The following ERBB4 variants were observed in gnomAD, a reference collection of about 807,000 sequenced individuals.
ERBB4 encodes the protein erb-b2 receptor tyrosine kinase 4, also known as receptor tyrosine-protein kinase erbB-4.
A neutral mutation model predicts 158.0 loss-of-function variants in ERBB4; 42 were observed. The observed-to-expected ratio is 0.27, with a 90% CI of 0.21 to 0.34. ERBB4 has a LOEUF of 0.34. Among genes scored for constraint, ERBB4 ranks in the 10% least tolerant of loss-of-function variants. The pLI, the probability that ERBB4 is intolerant of heterozygous loss-of-function variation, is 1.00. For synonymous variants in ERBB4, 583 were observed against 558.7 expected (o/e 1.04, Z -0.61); for missense variants, 1,333 against 1,624.1 (o/e 0.82, Z 3.08).
In ERBB4 at chr2:211,932,990, A is replaced by T. The variant is rs548396132; in HGVS notation, c.421+14440T>A. On this transcript the variant is annotated intron_variant, in intron 3 of 27. Coordinates refer to ENST00000342788, the MANE Select transcript of ERBB4 (RefSeq NM_005235.3). Reference sequence around the variant, plus strand: ...ACATAAAACGATTGAATAGTTACTTAAATTATGCACTGGTGATCTTCAATA... The same window carrying T: ...ACATAAAACGATTGAATAGTTACTTTAATTATGCACTGGTGATCTTCAATA... 2.0e-5 allele frequency among the ~76,000 whole-genome samples: 3 copies of T among 152,164 alleles called. No homozygotes were observed. In the South Asian group the frequency reaches 6.2e-4, roughly 32 times the overall value.
At chr2:212,139,353 A>G (rs979456163) in intron 1 of ERBB4, among the ~76,000 whole-genome samples, 1 of 152,068 alleles carries the variant, frequency 6.6e-6, no homozygotes, top group Non-Finnish European at 1.5e-5. Context: ...CTAGTATACA[A>G]TATTTGCATT....
At chr2:212,177,180 T>C (rs1437299940) in intron 1 of ERBB4, among the ~76,000 whole-genome samples, 4 of 151,788 alleles carry the variant, frequency 2.6e-5, no homozygotes, top group African/African-American at 9.7e-5. Context: ...TATAGAATTT[T>C]TTTGTAAGGT....
intron 20 of ERBB4, among the ~76,000 whole-genome samples, chr2:211,509,524 G>T (rs888615261): frequency 6.6e-6 from 1 of 151,890 alleles, no homozygotes; most frequent in Admixed American, 6.6e-5. Flanking sequence ...TACCATTCTG[G>T]ATATCAGCCT....
At chr2:212,422,406 G>A (rs1331428299) in intron 1 of ERBB4, among the ~76,000 whole-genome samples, 1 of 152,076 alleles carries the variant, frequency 6.6e-6, no homozygotes. Context: ...GTTATGGCAG[G>A]AGAACTGCTT....
At chr2:211,459,447 G>A (rs764486188) in intron 20 of ERBB4, among the ~76,000 whole-genome samples, 4 of 152,122 alleles carry the variant, frequency 2.6e-5, no homozygotes, top group African/African-American at 4.8e-5. Context: ...GAGGTGATAC[G>A]GTTTAGCTGT....
intron 20 of ERBB4, among the ~76,000 whole-genome samples, chr2:211,531,946 G>A (rs2125663969): frequency 6.6e-6 from 1 of 152,048 alleles, no homozygotes; most frequent in Middle Eastern, 3.4e-3. Flanking sequence ...AGAAAATCTG[G>A]TACATATTCA....
chr2:211,460,389 A>C (rs1254281755), intron 20 of ERBB4, among the ~76,000 whole-genome samples: 4 of 152,170 alleles, frequency 2.6e-5, no homozygotes, highest in Non-Finnish European at 2.9e-5. Flanking sequence ...TTCCTGGATA[A>C]ATGAATACAT....
chr2:212,131,786 G>T (rs558483720), intron 1 of ERBB4, among the ~76,000 whole-genome samples: 46 of 152,236 alleles, frequency 3.0e-4, no homozygotes, highest in African/African-American at 1.1e-3. Context: ...AATCAAAGCA[G>T]GACTAGTACG....
At chr2:212,408,338 G>A (rs1397387688) in intron 1 of ERBB4, among the ~76,000 whole-genome samples, 3 of 151,956 alleles carry the variant, frequency 2.0e-5, no homozygotes, top group African/African-American at 4.8e-5. Flanking sequence ...GAGAACATGC[G>A]GTGTTTGGTT....
At chr2:212,459,618 A>T (rs1194754996) in intron 1 of ERBB4, among the ~76,000 whole-genome samples, 1 of 152,112 alleles carries the variant, frequency 6.6e-6, no homozygotes, top group African/African-American at 2.4e-5. Flanking sequence ...ACCACAAAAG[A>T]CCTCAAATAG....
intron 20 of ERBB4, among the ~76,000 whole-genome samples, chr2:211,529,158 G>A (rs1370687205): frequency 6.7e-6 from 1 of 150,022 alleles, no homozygotes; most frequent in African/African-American, 2.4e-5. Flanking sequence ...AAAAATTAGA[G>A]ATGAAAAAGG....
intron 1 of ERBB4, among the ~76,000 whole-genome samples, chr2:212,267,018 C>T (rs955242540): frequency 1.1e-4 from 17 of 152,000 alleles, no homozygotes; most frequent in Middle Eastern, 3.4e-3. Flanking sequence ...CTGAATTGAG[C>T]AGATAAACAA....
At chr2:212,474,135 T>C (rs1206251429) in intron 1 of ERBB4, among the ~76,000 whole-genome samples, 2 of 151,824 alleles carry the variant, frequency 1.3e-5, no homozygotes, top group Non-Finnish European at 2.9e-5. Flanking sequence ...ATAAAGAAAA[T>C]AGTAAATTTG....
intron 3 of ERBB4, among the ~76,000 whole-genome samples, chr2:211,842,517 C>T (rs752194091): frequency 7.1e-5 from 10 of 141,446 alleles, no homozygotes; most frequent in Middle Eastern, 7.0e-3. Context: ...TTCAATGTAC[C>T]TATATTGCAA....
intron 1 of ERBB4, among the ~76,000 whole-genome samples, chr2:212,491,826 T>C (rs1690294881): frequency 6.6e-6 from 1 of 151,554 alleles, no homozygotes; most frequent in Non-Finnish European, 1.5e-5. Context: ...TTCAAAACTA[T>C]TGACATTCCA....
chr2:211,430,975 A>G lies in ERBB4; in HGVS notation c.2613T>C (p.Asp871=), dbSNP rs1574476993. 1.2e-6 allele frequency: 2 copies of G among 1,613,878 alleles called. No homozygotes were observed. The highest frequency in any genetic ancestry group is 1.1e-5 in the South Asian group (1 of 91,076). The change falls in exon 21 of 28, where the codon GAT becomes GAC. Residue 871 remains aspartate, a synonymous_variant. Coordinates refer to ENST00000342788, the MANE Select transcript of ERBB4 (RefSeq NM_005235.3). Reference sequence around the variant, plus strand: ...CTCCATCAGCATTGTACTCTTTTTCATCTCCTTCCAAGAGTCTGGCTAGCC... The same window carrying G: ...CTCCATCAGCATTGTACTCTTTTTCGTCTCCTTCCAAGAGTCTGGCTAGCC... ...DFGLARLLEG[D]EKEYNADGGK... is the part of the protein sequence containing the mutation.
intron 3 of ERBB4, among the ~76,000 whole-genome samples, chr2:211,889,219 C>T (rs1269626217): frequency 1.4e-5 from 2 of 144,956 alleles, no homozygotes; most frequent in South Asian, 2.1e-4. Context: ...CGCAGACTGC[C>T]TCCTCAAGTG....
At chr2:211,592,880 G>A (rs2068517727) in intron 19 of ERBB4, among the ~76,000 whole-genome samples, 1 of 151,898 alleles carries the variant, frequency 6.6e-6, no homozygotes, top group African/African-American at 2.4e-5. Context: ...GCGTGGTGGT[G>A]GGCACCTGTA....
chr2:212,282,696 C>T (rs2106153545), intron 1 of ERBB4, among the ~76,000 whole-genome samples: 1 of 151,910 alleles, frequency 6.6e-6, no homozygotes, highest in East Asian at 1.9e-4. Context: ...GGCTTTGCCC[C>T]AAACCCACTG....
Sources: gnomAD v4.1 joint callset for allele counts (sites outside exome capture counted in the v4.1 genomes callset) on GRCh38, gnomAD v4.1.1 for gene constraint, MANE v1.5 for transcripts, NCBI Gene and HGNC (gene_info 2026-07-23, HGNC 2026-07-21) for gene names.